The following SDK1 variants were observed in gnomAD, a reference collection of about 807,000 sequenced individuals.
SDK1 encodes sidekick cell adhesion molecule 1, also known as protein sidekick-1.
A neutral mutation model predicts 245.5 loss-of-function variants in SDK1; 157 were observed. That is an observed-to-expected ratio of 0.64 (90% confidence interval 0.56 to 0.73). The LOEUF is 0.73. SDK1 is among the 30% of genes least tolerant of loss of function. The pLI is 0.00. For synonymous variants in SDK1, 1,647 were observed against 1,278.5 expected (o/e 1.29, Z -6.15); for missense variants, 3,583 against 3,002.3 (o/e 1.19, Z -4.52).
chr7:4,247,640 G>T (rs776347838), intron 44 of SDK1, among the ~76,000 whole-genome samples: 5 of 152,236 alleles, frequency 3.3e-5, no homozygotes, highest in Non-Finnish European at 7.3e-5. Context: ...GAGTATCCAG[G>T]CACCGTGGGG....
At chr7:4,222,755 C>T (rs1339583652) in intron 40 of SDK1, among the ~76,000 whole-genome samples, 1 of 152,180 alleles carries the variant, frequency 6.6e-6, no homozygotes, top group East Asian at 1.9e-4. Context: ...GTTGTGGAAA[C>T]AGAGGGTCCT....
intron 4 of SDK1, among the ~76,000 whole-genome samples, chr7:3,733,893 G>T (rs899832769): frequency 5.9e-5 from 9 of 152,174 alleles, no homozygotes; most frequent in Non-Finnish European, 1.3e-4. Flanking sequence ...TAGGAAGCCT[G>T]TTCTGGAGTC....
At chr7:3,547,018 A>T (rs1779245634) in intron 1 of SDK1, among the ~76,000 whole-genome samples, 1 of 152,186 alleles carries the variant, frequency 6.6e-6, no homozygotes, top group African/African-American at 2.4e-5. Context: ...AGGAATTTTT[A>T]ATCTTAAGAT....
chr7:4,219,450 T>A (rs528797810), intron 38 of SDK1, among the ~76,000 whole-genome samples: 3 of 152,298 alleles, frequency 2.0e-5, no homozygotes, highest in South Asian at 4.1e-4. Context: ...AGAAGCAAAG[T>A]CACATCTTAC....
At position 4,064,087 on chromosome 7, in the gene SDK1, A is replaced by G. The variant is rs550319976; in HGVS notation, c.2912-3751A>G. ...ACCAAAAATAGACAAATGGGACTATATCAAACTTAAAAACTTCTGTACAGC... is the reference window on the plus strand; with the variant it reads ...ACCAAAAATAGACAAATGGGACTATGTCAAACTTAAAAACTTCTGTACAGC... On this transcript the variant is annotated intron_variant, in intron 19 of 44. Transcript: ENST00000404826. Among the ~76,000 whole-genome samples the G allele has an allele frequency of 4.6e-5, 7 of 152,354 alleles. No homozygotes were observed. In the South Asian group the frequency reaches 1.4e-3, roughly 32 times the overall value.
At chr7:3,949,543 C>A (rs1780714144) in intron 5 of SDK1, among the ~76,000 whole-genome samples, 1 of 152,162 alleles carries the variant, frequency 6.6e-6, no homozygotes, top group African/African-American at 2.4e-5. Context: ...AGCGTGAAGC[C>A]CAGATGAAGC....
chr7:3,340,342 TACAC>T (rs930186499), intron 1 of SDK1, among the ~76,000 whole-genome samples: 7 of 152,136 alleles, frequency 4.6e-5, no homozygotes, highest in Non-Finnish European at 7.4e-5. Flanking sequence ...TGTCTAAAAA[TACAC>T]ACAGTAATTG....
chr7:3,423,998 G>A (rs1440797221), intron 1 of SDK1, among the ~76,000 whole-genome samples: 3 of 150,926 alleles, frequency 2.0e-5, no homozygotes, highest in Non-Finnish European at 2.9e-5. Context: ...TGCAACCTCC[G>A]CCTTCCAGGT....
At chr7:3,605,350 G>A (rs547209215) in intron 1 of SDK1, among the ~76,000 whole-genome samples, 2 of 152,174 alleles carry the variant, frequency 1.3e-5, no homozygotes, top group Admixed American at 6.5e-5. Flanking sequence ...TTGTTTTATG[G>A]TTTGAAGAAA....
chr7:3,570,885 GCTTA>G (rs1562570552), intron 1 of SDK1, among the ~76,000 whole-genome samples: 2 of 152,066 alleles, frequency 1.3e-5, no homozygotes, highest in Non-Finnish European at 2.9e-5. Context: ...CAGTTTGCTT[GCTTA>G]CTTTTCATGC....
Position 3,866,897 on chromosome 7 carries a change from G to A in SDK1, c.847+45314G>A, listed in dbSNP as rs115834623. Among the ~76,000 whole-genome samples, 486 of 152,274 alleles carry A rather than the reference G, an allele frequency of 3.2e-3. 3 individuals carry two copies. The highest frequency in any genetic ancestry group is 0.011 in the African/African-American group (462 of 41,558). ...CATTAGCCATGGGAGCTGGACTGCC[G>A]AGAGAACACGTGGCCTCCATCCACA... On this transcript the variant is annotated intron_variant, in intron 5 of 44. Coordinates refer to ENST00000404826, the MANE Select transcript of SDK1 (RefSeq NM_152744.4).
chr7:3,579,391 G>A (rs1176400403), intron 1 of SDK1, among the ~76,000 whole-genome samples: 1 of 152,170 alleles, frequency 6.6e-6, no homozygotes, highest in Non-Finnish European at 1.5e-5. Flanking sequence ...CAGTAAATGT[G>A]ATTCATTACA....
intron 1 of SDK1, among the ~76,000 whole-genome samples, chr7:3,417,233 T>A (rs1335278418): frequency 2.6e-5 from 4 of 152,146 alleles, no homozygotes; most frequent in African/African-American, 9.7e-5. Context: ...AGGTTCTAGT[T>A]TTGGCAATAA....
intron 1 of SDK1, among the ~76,000 whole-genome samples, chr7:3,574,897 C>G (rs553577927): frequency 2.6e-4 from 39 of 152,118 alleles, no homozygotes; most frequent in Admixed American, 2.4e-3. Flanking sequence ...GGCATTTTCT[C>G]TGAGTTGTAG....
chr7:3,328,626 T>A (rs1168001361), intron 1 of SDK1, among the ~76,000 whole-genome samples: 1 of 152,176 alleles, frequency 6.6e-6, no homozygotes, highest in Non-Finnish European at 1.5e-5. Flanking sequence ...TTTTTTTGTG[T>A]ATTTTTTTCA....
At chr7:3,465,407 C>A (rs544643573) in intron 1 of SDK1, among the ~76,000 whole-genome samples, 11 of 152,262 alleles carry the variant, frequency 7.2e-5, no homozygotes, top group African/African-American at 2.6e-4. Flanking sequence ...TGAGTAACGT[C>A]AGCATAATTT....
intron 5 of SDK1, among the ~76,000 whole-genome samples, chr7:3,880,648 G>T (rs1322867819): frequency 6.8e-6 from 1 of 146,092 alleles, no homozygotes; most frequent in Non-Finnish European, 1.5e-5. Context: ...GCTGAGTGCT[G>T]CTGTACCACT....
At chr7:3,656,189 C>T (rs1354558930) in intron 4 of SDK1, among the ~76,000 whole-genome samples, 1 of 152,132 alleles carries the variant, frequency 6.6e-6, no homozygotes, top group African/African-American at 2.4e-5. Context: ...TAGATATGCC[C>T]CCTCCATCCT....
intron 12 of SDK1, among the ~76,000 whole-genome samples, chr7:3,971,921 G>C (rs537592202): frequency 2.6e-4 from 40 of 152,146 alleles, no homozygotes; most frequent in Non-Finnish European, 5.4e-4. Flanking sequence ...TGTTTACACG[G>C]GGGCTGTGCC....
Sources: gnomAD v4.1 joint callset for allele counts (sites outside exome capture counted in the v4.1 genomes callset) on GRCh38, gnomAD v4.1.1 for gene constraint, MANE v1.5 for transcripts, NCBI Gene and HGNC (gene_info 2026-07-23, HGNC 2026-07-21) for gene names.